WWOX: variants seen among roughly 807,000 people sequenced by gnomAD.
WWOX encodes WW domain containing oxidoreductase.
Under a neutral mutation model 46.2 loss-of-function variants are expected in WWOX, and 69 were observed. The observed-to-expected ratio is 1.49, with a 90% CI of 1.23 to 1.82. WWOX has a LOEUF of 1.82. WWOX is among the 40% of genes most tolerant of loss of function. The pLI, the probability that WWOX is intolerant of heterozygous loss-of-function variation, is 0.00. For synonymous variants in WWOX, 359 were observed against 202.6 expected (o/e 1.77, Z -6.56); for missense variants, 919 against 542.6 (o/e 1.69, Z -6.89).
chr16:78,578,256 A>T (rs57136091), intron 8 of WWOX, among the ~76,000 whole-genome samples: 3,522 of 23,294 alleles, frequency 0.15, 257 homozygotes, highest in African/African-American at 0.28. Context: ...ACCAAATTTT[A>T]TATATATATA....
At chr16:78,867,185 A>G (rs79509076) in intron 8 of WWOX, among the ~76,000 whole-genome samples, 165 of 152,154 alleles carry the variant, frequency 1.1e-3, no homozygotes, top group South Asian at 1.9e-3. Context: ...CAAAACTGCA[A>G]CTCATCTTCA....
At chr16:78,861,030 G>C (rs2043873304) in intron 8 of WWOX, among the ~76,000 whole-genome samples, 1 of 151,924 alleles carries the variant, frequency 6.6e-6, no homozygotes. Flanking sequence ...ATGTTTCCTA[G>C]GCTTGTCTCG....
At chr16:78,497,012 T>C (rs2084934013) in intron 8 of WWOX, among the ~76,000 whole-genome samples, 1 of 152,222 alleles carries the variant, frequency 6.6e-6, no homozygotes, top group African/African-American at 2.4e-5. Flanking sequence ...TGGGAAACTT[T>C]GGAGGAAGGC....
intron 7 of WWOX, among the ~76,000 whole-genome samples, chr16:78,428,800 G>A (rs552603447): frequency 6.6e-6 from 1 of 152,278 alleles, no homozygotes; most frequent in South Asian, 2.1e-4. Context: ...TTGAGCTCAG[G>A]AGTTGAGATT....
rs111821944 is a variant in WWOX, at chr16:78,415,688, G to A, written c.606-9182G>A. On this transcript the variant is annotated intron_variant, in intron 6 of 8. Transcript: ENST00000566780. ...CGGGGTAGTCAGTGGTAGGGATCTT[G>A]AGGGGTTAAAAAAGGGAAGGAGCTG... is the stretch of plus-strand genomic sequence containing the variant. Among the ~76,000 whole-genome samples, 323 of 152,276 alleles carry A rather than the reference G, an allele frequency of 2.1e-3. 2 individuals are homozygous for A. The highest frequency in any genetic ancestry group is 7.6e-3 in the African/African-American group (316 of 41,568).
intron 8 of WWOX, among the ~76,000 whole-genome samples, chr16:79,044,671 C>T (rs2048033662): frequency 6.6e-6 from 1 of 152,186 alleles, no homozygotes. Flanking sequence ...TACCCAGTCT[C>T]AGGTAATTCT....
At chr16:78,298,628 C>G (rs997927860) in intron 5 of WWOX, among the ~76,000 whole-genome samples, 2 of 152,054 alleles carry the variant, frequency 1.3e-5, no homozygotes. Flanking sequence ...CTTGCCTCTA[C>G]TAAAAATATA....
At chr16:78,581,647 A>G (rs1210059473) in intron 8 of WWOX, among the ~76,000 whole-genome samples, 1 of 152,262 alleles carries the variant, frequency 6.6e-6, no homozygotes, top group African/African-American at 2.4e-5. Context: ...GCCCCTTTTC[A>G]TTGGGAATAA....
intron 4 of WWOX, among the ~76,000 whole-genome samples, chr16:78,144,516 TATATATA>T (rs1261257683): frequency 0.011 from 475 of 42,896 alleles, 29 homozygotes; most frequent in Middle Eastern, 0.028. Flanking sequence ...TATATATATA[TATATATA>T]TTTTTTTTTT....
intron 5 of WWOX, among the ~76,000 whole-genome samples, chr16:78,266,485 G>T (rs939433383): frequency 1.3e-5 from 2 of 152,078 alleles, no homozygotes; most frequent in African/African-American, 4.8e-5. Flanking sequence ...TCATCTCCAC[G>T]TCTGCCTTTG....
chr16:78,783,874 G>A (rs563515800), intron 8 of WWOX, among the ~76,000 whole-genome samples: 3 of 94,374 alleles, frequency 3.2e-5, no homozygotes, highest in East Asian at 6.3e-4. Context: ...TGATGGTGAT[G>A]ACGATGATAA....
chr16:78,539,894 C>T (rs1335174610), intron 8 of WWOX, among the ~76,000 whole-genome samples: 2 of 152,082 alleles, frequency 1.3e-5, no homozygotes, highest in African/African-American at 4.8e-5. Flanking sequence ...TAGATAGGAT[C>T]AGATCCAGTA....
intron 5 of WWOX, among the ~76,000 whole-genome samples, chr16:78,223,473 G>A (rs368018125): frequency 9.2e-5 from 14 of 152,272 alleles, no homozygotes; most frequent in African/African-American, 2.9e-4. Flanking sequence ...GTCTGCAAGA[G>A]GTTGATGGGG....
chr16:78,913,771 C>T (rs1051584659), intron 8 of WWOX, among the ~76,000 whole-genome samples: 6 of 151,792 alleles, frequency 4.0e-5, no homozygotes, highest in African/African-American at 1.2e-4. Context: ...AAGCCATCCT[C>T]CCACCGTAGC....
At chr16:78,478,636 A>G (rs973395927) in intron 8 of WWOX, among the ~76,000 whole-genome samples, 4 of 152,116 alleles carry the variant, frequency 2.6e-5, no homozygotes, top group African/African-American at 9.7e-5. Flanking sequence ...ATTCCAGGCC[A>G]CAAGGGTGCC....
At chr16:78,583,619 C>T (rs999010387) in intron 8 of WWOX, among the ~76,000 whole-genome samples, 3 of 152,096 alleles carry the variant, frequency 2.0e-5, no homozygotes, top group Admixed American at 1.3e-4. Context: ...TGGGATTGAC[C>T]CAGTGATAAC....
At chr16:78,794,768 G>C (rs994836284) in intron 8 of WWOX, among the ~76,000 whole-genome samples, 1 of 152,236 alleles carries the variant, frequency 6.6e-6, no homozygotes, top group Admixed American at 6.5e-5. Context: ...GGAGACCCAT[G>C]TGTTCAGGCT....
At chr16:78,270,956 T>C (rs2079465404) in intron 5 of WWOX, among the ~76,000 whole-genome samples, 1 of 152,202 alleles carries the variant, frequency 6.6e-6, no homozygotes, top group Non-Finnish European at 1.5e-5. Context: ...TCAGGTCAAA[T>C]AGTTGCATTG....
At chr16:78,674,410 G>A (rs144926219) in intron 8 of WWOX, among the ~76,000 whole-genome samples, 2,552 of 151,650 alleles carry the variant, frequency 0.017, 65 homozygotes, top group African/African-American at 0.058. Context: ...TCAGCCTCCT[G>A]AGTAGCTGGA....
Sources: gnomAD v4.1 joint callset for allele counts (sites outside exome capture counted in the v4.1 genomes callset) on GRCh38, gnomAD v4.1.1 for gene constraint, MANE v1.5 for transcripts, NCBI Gene and HGNC (gene_info 2026-07-23, HGNC 2026-07-21) for gene names.